ZRANB3: variants seen among roughly 807,000 people sequenced by gnomAD.
The protein encoded by ZRANB3 is DNA annealing helicase and endonuclease ZRANB3.
ZRANB3 carries 125 observed loss-of-function variants against 133.8 expected under a neutral mutation model. The ratio of observed to expected loss-of-function variants is 0.93; its 90% CI spans 0.81 to 1.08. The LOEUF (loss-of-function observed/expected upper bound fraction) is 1.08. Ranked by LOEUF, ZRANB3 falls within the 50% of genes least tolerant of loss-of-function variation. ZRANB3 has a pLI of 0.00. For synonymous variants in ZRANB3, 387 were observed against 432.7 expected, an observed-to-expected ratio of 0.89 and a Z score of 1.31; for missense variants, 1,229 against 1,275.5, an observed-to-expected ratio of 0.96 and a Z score of 0.56.
intron 3 of ZRANB3, among the ~76,000 whole-genome samples, chr2:135,381,309 G>A (rs1437539686): frequency 2.0e-5 from 3 of 152,216 alleles, no homozygotes; most frequent in Admixed American, 6.5e-5. Flanking sequence ...GGGGAGGAGC[G>A]TCCGCCATTG....
chr2:135,290,633 T>C (rs1334265996), intron 8 of ZRANB3, among the ~76,000 whole-genome samples: 1 of 152,210 alleles, frequency 6.6e-6, no homozygotes, highest in Non-Finnish European at 1.5e-5. Flanking sequence ...ATTCTATTAA[T>C]TGTGCTAGTT....
chr2:135,407,232 T>C (rs1459333083), intron 2 of ZRANB3, among the ~76,000 whole-genome samples: 1 of 151,388 alleles, frequency 6.6e-6, no homozygotes, highest in Non-Finnish European at 1.5e-5. Context: ...ATTGCTTCAA[T>C]AAGAATAAAA....
At chr2:135,228,116 G>C in intron 13 of ZRANB3, 101 bp from the exon 14 acceptor site, 14 of 992,352 alleles carry the variant, frequency 1.4e-5, no homozygotes, top group Non-Finnish European at 1.9e-5. Context: ...AGTGAATAAT[G>C]TTTATTCATA....
intron 8 of ZRANB3, among the ~76,000 whole-genome samples, chr2:135,300,685 T>A (rs189288212): frequency 6.6e-6 from 1 of 152,304 alleles, no homozygotes; most frequent in East Asian, 1.9e-4. Flanking sequence ...TGTCTACTGA[T>A]TGCACTGCCT....
At chr2:135,320,264 T>C (rs1412022224) in intron 6 of ZRANB3, among the ~76,000 whole-genome samples, 1 of 152,112 alleles carries the variant, frequency 6.6e-6, no homozygotes, top group African/African-American at 2.4e-5. Context: ...AAGAAAATTA[T>C]CAAACAAATT....
At position 135,199,299 on chromosome 2, in the gene ZRANB3, GTT is replaced by G. The variant is rs1693521637; in HGVS notation, c.*1041_*1042del. 6.7e-6 allele frequency: 1 copy of G among 148,978 alleles called. No individual in the cohort carries two copies. The highest frequency in any genetic ancestry group is 2.1e-4 in the South Asian group (1 of 4,722). The allele number at this position is 148,978 out of a possible 1,614,324, so 9.2% of individuals were successfully genotyped here. On this transcript the variant is annotated 3_prime_UTR_variant, in exon 21 of 21. Coordinates refer to ENST00000264159, the MANE Select transcript of ZRANB3 (RefSeq NM_032143.4). The stretch of plus-strand genomic sequence containing the variant: ...GATAGTACGCTTAGTTTTTTTTTTT[GTT>G]TGTTTGTTTGTTTGAGACGGAGTCT...
intron 3 of ZRANB3, among the ~76,000 whole-genome samples, chr2:135,389,090 C>T (rs1687109295): frequency 6.6e-6 from 1 of 152,000 alleles, no homozygotes; most frequent in Non-Finnish European, 1.5e-5. Flanking sequence ...AACAAGAACA[C>T]AAAAACAAAC....
At chr2:135,214,717 T>C (rs2105047603) in intron 17 of ZRANB3, among the ~76,000 whole-genome samples, 1 of 152,330 alleles carries the variant, frequency 6.6e-6, no homozygotes, top group South Asian at 2.1e-4. Flanking sequence ...AGTATGTGTA[T>C]ATATGTATAT....
rs1694435820 is a variant in ZRANB3 at position 135,219,194 on chromosome 2, GA to G, written c.2251-17del. On this transcript the variant is annotated splice_polypyrimidine_tract_variant and intron_variant, in intron 15 of 20. Coordinates refer to ENST00000264159, the MANE Select transcript of ZRANB3 (RefSeq NM_032143.4). ...GTTTTCCATCCTGATGATAGATTAG[GA>G]AGACACTAATAATCCATTTTTGTAT... 1 of 1,470,322 alleles carries G rather than the reference GA, an allele frequency of 6.8e-7. No homozygotes were observed. Among genetic ancestry groups the G allele is most frequent in the Non-Finnish European group, 9.1e-7 (1 of 1,103,414 alleles). The allele number at this position is 1,470,322 out of a possible 1,614,324, so 91.1% of individuals were successfully genotyped here.
intron 8 of ZRANB3, among the ~76,000 whole-genome samples, chr2:135,304,980 T>G (rs1302727532): frequency 6.6e-6 from 1 of 151,832 alleles, no homozygotes; most frequent in Non-Finnish European, 1.5e-5. Context: ...TCAAGTTTCT[T>G]TTTTTTTGTT....
chr2:135,467,189 TC>T (rs143933650), intron 2 of ZRANB3, among the ~76,000 whole-genome samples: 1,564 of 152,192 alleles, frequency 0.01, 23 homozygotes, highest in African/African-American at 0.036. Flanking sequence ...CATTCTCTGC[TC>T]CCATTTAAAC....
In ZRANB3 at chr2:135,197,056, C is replaced by T. The variant is rs1000475659; in HGVS notation, c.*3286G>A. The T allele has an allele frequency of 2.6e-5, 4 of 152,042 alleles. No individual in the cohort carries two copies. The highest frequency in any genetic ancestry group is 7.3e-5 in the African/African-American group (3 of 41,376). 9.4% of individuals were successfully genotyped at this position (152,042 alleles called of 1,614,324 possible). On this transcript the variant is annotated 3_prime_UTR_variant, in exon 21 of 21. Coordinates refer to ENST00000264159, the MANE Select transcript of ZRANB3 (RefSeq NM_032143.4). Reference sequence around the variant, plus strand: ...ACCAGGGTGGCAAAAACACCCTTAACGATATAAAGCAACTGACAAACTTGA... The same window carrying T: ...ACCAGGGTGGCAAAAACACCCTTAATGATATAAAGCAACTGACAAACTTGA...
chr2:135,314,321 C>T (rs1469500151), intron 7 of ZRANB3, among the ~76,000 whole-genome samples: 3 of 152,104 alleles, frequency 2.0e-5, no homozygotes, highest in African/African-American at 7.2e-5. Flanking sequence ...ATATGAAGTA[C>T]AAATATAATC....
At chr2:135,454,443 T>C (rs913667783) in intron 2 of ZRANB3, among the ~76,000 whole-genome samples, 6 of 152,162 alleles carry the variant, frequency 3.9e-5, no homozygotes, top group Non-Finnish European at 8.8e-5. Flanking sequence ...TTTTTTAATT[T>C]AATAATCTGA....
intron 2 of ZRANB3, among the ~76,000 whole-genome samples, chr2:135,447,493 G>T (rs1690075438): frequency 6.6e-6 from 1 of 151,870 alleles, no homozygotes; most frequent in Admixed American, 6.6e-5. Context: ...TATTTTTTCT[G>T]AAGTATCTTA....
intron 2 of ZRANB3, among the ~76,000 whole-genome samples, chr2:135,433,591 C>T (rs962611373): frequency 4.6e-5 from 7 of 152,176 alleles, no homozygotes; most frequent in African/African-American, 1.7e-4. Flanking sequence ...GTGGCTCACA[C>T]CTGTAATCTC....
At chr2:135,523,976 C>A (rs1234104304) in intron 1 of ZRANB3, among the ~76,000 whole-genome samples, 4 of 152,196 alleles carry the variant, frequency 2.6e-5, no homozygotes, top group Non-Finnish European at 5.9e-5. Context: ...TAGAAGTTAT[C>A]AGGTTCTCCT....
At chr2:135,260,288 T>C (rs778892013) in intron 12 of ZRANB3, among the ~76,000 whole-genome samples, 5 of 152,122 alleles carry the variant, frequency 3.3e-5, no homozygotes, top group Admixed American at 6.5e-5. Context: ...GCAGTGGAAA[T>C]TGGACTGACC....
intron 2 of ZRANB3, among the ~76,000 whole-genome samples, chr2:135,421,426 A>G (rs1688836524): frequency 6.6e-6 from 1 of 152,210 alleles, no homozygotes; most frequent in African/African-American, 2.4e-5. Flanking sequence ...GCCTCCTTTT[A>G]CAAAGTAGAC....
Sources: allele counts gnomAD v4.1 joint callset (sites outside exome capture counted in the v4.1 genomes callset), GRCh38; gene constraint gnomAD v4.1.1; transcripts MANE v1.5; gene names NCBI Gene and HGNC (gene_info 2026-07-23, HGNC 2026-07-21).